The following NDUFS4 variants were observed in gnomAD, a reference collection of about 807,000 sequenced individuals.
NDUFS4 encodes the protein NADH dehydrogenase [ubiquinone] iron-sulfur protein 4, mitochondrial.
Under a neutral mutation model 24.3 loss-of-function variants are expected in NDUFS4, and 28 were observed. The observed-to-expected ratio is 1.15, with a 90% CI of 0.85 to 1.58. The LOEUF (loss-of-function observed/expected upper bound fraction) is 1.58. Ranked by LOEUF, NDUFS4 falls within the 40% of genes most tolerant of loss-of-function variation. The probability of loss-of-function intolerance (pLI) is 0.00; values close to 1 mark genes in which losing one functional copy is unlikely to be tolerated. For synonymous variants in NDUFS4, 93 were observed against 69.7 expected (o/e 1.34, Z -1.67); for missense variants, 223 against 207.9 (o/e 1.07, Z -0.45).
At chr5:53,601,085 A>G (rs942461058) in intron 1 of NDUFS4, among the ~76,000 whole-genome samples, 14 of 150,996 alleles carry the variant, frequency 9.3e-5, no homozygotes, top group African/African-American at 3.4e-4. Flanking sequence ...GCTCACTGCA[A>G]GCTCCGCCTC....
intron 1 of NDUFS4, among the ~76,000 whole-genome samples, chr5:53,576,078 G>C (rs962190688): frequency 1.3e-5 from 2 of 152,234 alleles, no homozygotes; most frequent in South Asian, 4.1e-4. Flanking sequence ...AGAGGGTGTA[G>C]AGGTCAGAGA....
intron 2 of NDUFS4, among the ~76,000 whole-genome samples, chr5:53,636,800 A>G (rs1391255943): frequency 6.6e-6 from 1 of 152,082 alleles, no homozygotes; most frequent in Non-Finnish European, 1.5e-5. Flanking sequence ...ATGAGTTATC[A>G]TGAGATCTGG....
At chr5:53,642,394 ACTC>A (rs1751731249) in intron 2 of NDUFS4, among the ~76,000 whole-genome samples, 1 of 151,984 alleles carries the variant, frequency 6.6e-6, no homozygotes, top group African/African-American at 2.4e-5. Flanking sequence ...ATGCAGAAGA[ACTC>A]CTTTATACAA....
chr5:53,668,480 ACAGAGTCTCACTCTGTCAC>A (rs985292499), intron 4 of NDUFS4, among the ~76,000 whole-genome samples: 2 of 151,650 alleles, frequency 1.3e-5, no homozygotes, highest in African/African-American at 4.9e-5. Context: ...GGGGCTGGAG[ACAGAGTCTCACTCTGTCAC>A]CCAGGCTGGA....
chr5:53,607,253 G>T (rs1354566462), intron 2 of NDUFS4, among the ~76,000 whole-genome samples: 1 of 152,114 alleles, frequency 6.6e-6, no homozygotes, highest in Non-Finnish European at 1.5e-5. Context: ...TTCAACCGTT[G>T]TGCCCATCTC....
intron 3 of NDUFS4, among the ~76,000 whole-genome samples, chr5:53,649,349 T>C (rs1429304447): frequency 6.6e-6 from 1 of 152,164 alleles, no homozygotes; most frequent in Admixed American, 6.5e-5. Context: ...TTTCAACTCT[T>C]GCCCCCTTCT....
At chr5:53,667,375 G>A (rs1490077995) in intron 4 of NDUFS4, among the ~76,000 whole-genome samples, 1 of 151,806 alleles carries the variant, frequency 6.6e-6, no homozygotes, top group African/African-American at 2.4e-5. Context: ...TGAGGCAGGA[G>A]AATCGCTTGA....
At chr5:53,672,788 T>C (rs972632213) in intron 4 of NDUFS4, among the ~76,000 whole-genome samples, 2 of 152,106 alleles carry the variant, frequency 1.3e-5, no homozygotes, top group Non-Finnish European at 2.9e-5. Flanking sequence ...GAATCTCTGA[T>C]TGGACTTTGA....
chr5:53,666,150 T>C (rs1752506720), intron 4 of NDUFS4, among the ~76,000 whole-genome samples: 1 of 152,244 alleles, frequency 6.6e-6, no homozygotes, highest in South Asian at 2.1e-4. Flanking sequence ...TGTAACATAG[T>C]TATGAAAAAC....
At chr5:53,612,388 G>A (rs1318428355) in intron 2 of NDUFS4, among the ~76,000 whole-genome samples, 2 of 152,058 alleles carry the variant, frequency 1.3e-5, no homozygotes, top group Non-Finnish European at 2.9e-5. Context: ...TGTGAAAAAG[G>A]AAACTTTTTA....
chr5:53,582,135 C>G (rs1405058634), intron 1 of NDUFS4, among the ~76,000 whole-genome samples: 2 of 151,866 alleles, frequency 1.3e-5, no homozygotes, highest in East Asian at 3.9e-4. Context: ...GGTGTGAACC[C>G]AGGAGGCGGA....
chr5:53,665,189 G>T (rs1752476512), intron 4 of NDUFS4, among the ~76,000 whole-genome samples: 1 of 152,180 alleles, frequency 6.6e-6, no homozygotes, highest in Non-Finnish European at 1.5e-5. Context: ...TCCTCTGGAA[G>T]CTTTGTCTCA....
intron 2 of NDUFS4, among the ~76,000 whole-genome samples, chr5:53,627,078 T>A (rs1283002862): frequency 1.3e-5 from 2 of 152,168 alleles, no homozygotes; most frequent in East Asian, 3.9e-4. Flanking sequence ...AAGGAAGGGA[T>A]CCAGTTTCAG....
intron 1 of NDUFS4, among the ~76,000 whole-genome samples, chr5:53,593,008 C>T (rs1283838172): frequency 6.6e-6 from 1 of 152,034 alleles, no homozygotes; most frequent in Non-Finnish European, 1.5e-5. Context: ...TATAGTTTTC[C>T]TTTCCTGTAA....
chr5:53,590,372 A>G (rs1317573058), intron 1 of NDUFS4, among the ~76,000 whole-genome samples: 1 of 152,252 alleles, frequency 6.6e-6, no homozygotes, highest in Non-Finnish European at 1.5e-5. Context: ...TTTATGTAGA[A>G]CATGTTGGAT....
At chr5:53,580,051 A>G (rs1181196483) in intron 1 of NDUFS4, among the ~76,000 whole-genome samples, 1 of 152,194 alleles carries the variant, frequency 6.6e-6, no homozygotes, top group Non-Finnish European at 1.5e-5. Context: ...TAAATGTAAT[A>G]AATGTGTGTT....
chr5:53,617,524 CT>C (rs1293922073), intron 2 of NDUFS4, among the ~76,000 whole-genome samples: 1 of 152,052 alleles, frequency 6.6e-6, no homozygotes, highest in African/African-American at 2.4e-5. Flanking sequence ...CCCCACTCCC[CT>C]GTCTCTTCTA....
At chr5:53,681,491 T>C (rs980582325) in intron 4 of NDUFS4, among the ~76,000 whole-genome samples, 6 of 152,168 alleles carry the variant, frequency 3.9e-5, no homozygotes, top group African/African-American at 1.4e-4. Context: ...AGTTTTCTTA[T>C]GCCCTTTAGT....
At chr5:53,680,706 G>A (rs1444827025) in intron 4 of NDUFS4, among the ~76,000 whole-genome samples, 1 of 151,798 alleles carries the variant, frequency 6.6e-6, no homozygotes, top group South Asian at 2.1e-4. Flanking sequence ...GGGGTGGGGG[G>A]AGCGGGGAGG....
Sources: allele counts gnomAD v4.1 joint callset (sites outside exome capture counted in the v4.1 genomes callset), GRCh38; gene constraint gnomAD v4.1.1; transcripts MANE v1.5; gene names NCBI Gene and HGNC (gene_info 2026-07-23, HGNC 2026-07-21).